Variants in ANO3 observed in about 807,000 individuals in gnomAD.
ANO3 encodes anoctamin-3.
In ANO3, 99 loss-of-function variants were observed where a neutral mutation model predicts 144.8. The ratio of observed to expected loss-of-function variants is 0.68; its 90% confidence interval spans 0.58 to 0.81. The LOEUF is 0.81. ANO3 is among the 30% of genes least tolerant of loss of function. The probability of loss-of-function intolerance (pLI) is 0.00; values close to 1 mark genes in which losing one functional copy is unlikely to be tolerated. For synonymous variants in ANO3, 414 were observed against 392.6 expected (o/e 1.05, Z -0.64); for missense variants, 905 against 1,202.2 (o/e 0.75, Z 3.66).
intron 17 of ANO3, among the ~76,000 whole-genome samples, chr11:26,615,074 AG>A (rs1489964683): frequency 2.0e-5 from 3 of 151,214 alleles, no homozygotes; most frequent in East Asian, 1.9e-4. Context: ...CTCTGTATAT[AG>A]GTCTTGATTT....
At position 26,465,156 on chromosome 11, in the gene ANO3, G is replaced by C. The variant is rs886623804; in HGVS notation, c.432+2008G>C. 2.1e-3 allele frequency among the ~76,000 whole-genome samples: 256 copies of C among 123,850 alleles called. 1 individual carries two copies. The highest frequency in any genetic ancestry group is 8.5e-3 in the African/African-American group (240 of 28,234). The allele number at this position is 123,850 out of a possible 152,430, so 81.3% of individuals were successfully genotyped here. A position where few individuals can be genotyped will look rare whatever the true frequency, so the allele number is the denominator to read the frequency against. On this transcript the variant is annotated intron_variant, in intron 4 of 26. Coordinates refer to ENST00000256737, the MANE Select transcript of ANO3 (RefSeq NM_031418.4). ...TGTGTGTGTGTGTGTGTGTGTGTGT[G>C]TGTGTCTGTGTGTGAATTAAAGCAT...
At chr11:26,196,319 A>G (rs1851588680) in intron 1 of ANO3, among the ~76,000 whole-genome samples, 2 of 151,968 alleles carry the variant, frequency 1.3e-5, no homozygotes. Flanking sequence ...TTTTTCTTCT[A>G]TTTGTCCTGC....
chr11:26,354,801 T>C (rs965651646), intron 1 of ANO3, among the ~76,000 whole-genome samples: 1 of 152,204 alleles, frequency 6.6e-6, no homozygotes, highest in Non-Finnish European at 1.5e-5. Flanking sequence ...ATTATTTTCA[T>C]ATTAAAATTG....
At chr11:26,558,543 C>A (rs1428919187) in intron 13 of ANO3, among the ~76,000 whole-genome samples, 2 of 151,912 alleles carry the variant, frequency 1.3e-5, no homozygotes, top group African/African-American at 4.8e-5. Context: ...GTTTTGAAAA[C>A]CGATTTTTAT....
rs3038204 is a variant in ANO3, at chr11:26,632,582, TTA to T, written c.1874-1611_1874-1610del. Among the ~76,000 whole-genome samples the T allele has an allele frequency of 2.6e-3, 378 of 147,042 alleles. 1 individual carries two copies. Among genetic ancestry groups the T allele is most frequent in the African/African-American group, 8.8e-3 (357 of 40,396 alleles). ...TATAAATATATAAAAAATATACGTT[TTA>T]TATATATATAATATATGTCTGTCTC... On this transcript the variant is annotated intron_variant, in intron 18 of 26. Coordinates refer to ENST00000256737, the MANE Select transcript of ANO3 (RefSeq NM_031418.4).
intron 1 of ANO3, among the ~76,000 whole-genome samples, chr11:26,438,501 C>G (rs1271023396): frequency 7.2e-6 from 1 of 139,818 alleles, no homozygotes; most frequent in East Asian, 2.2e-4. Context: ...AATCCCAGCA[C>G]TTTAGGAGGC....
At chr11:26,555,779 G>T (rs1011835985) in intron 13 of ANO3, among the ~76,000 whole-genome samples, 2 of 151,900 alleles carry the variant, frequency 1.3e-5, no homozygotes, top group African/African-American at 4.8e-5. Flanking sequence ...ATATATTTTT[G>T]AATTTAAATA....
chr11:26,288,566 G>T (rs922942997), intron 1 of ANO3, among the ~76,000 whole-genome samples: 13 of 152,058 alleles, frequency 8.5e-5, no homozygotes, highest in African/African-American at 2.7e-4. Flanking sequence ...CACAAACTGG[G>T]GTTAATAAAT....
intron 1 of ANO3, among the ~76,000 whole-genome samples, chr11:26,392,947 C>G (rs67745155): frequency 6.6e-6 from 1 of 151,764 alleles, no homozygotes; most frequent in Non-Finnish European, 1.5e-5. Context: ...TTTAAAAGCA[C>G]GTGAAAATGC....
At chr11:26,519,306 C>A (rs957393659) in intron 6 of ANO3, among the ~76,000 whole-genome samples, 3 of 152,142 alleles carry the variant, frequency 2.0e-5, no homozygotes, top group African/African-American at 4.8e-5. Flanking sequence ...AGACTTCATA[C>A]AAAACAGATA....
At chr11:26,533,037 T>A (rs535945912) in intron 8 of ANO3, among the ~76,000 whole-genome samples, 268 of 152,214 alleles carry the variant, frequency 1.8e-3, no homozygotes, top group African/African-American at 5.5e-3. Flanking sequence ...CTACCTACAA[T>A]TAACAGGACT....
At chr11:26,452,318 G>C (rs569891453) in intron 3 of ANO3, among the ~76,000 whole-genome samples, 2 of 152,156 alleles carry the variant, frequency 1.3e-5, no homozygotes, top group Non-Finnish European at 2.9e-5. Flanking sequence ...AGGCAAAGAA[G>C]TTGAAAACTT....
intron 14 of ANO3, chr11:26,560,728 G>A (rs1045324222): frequency 7.8e-5 from 14 of 178,920 alleles, no homozygotes; most frequent in Non-Finnish European, 1.2e-4. Context: ...AGAATTTTTT[G>A]GTGGAATAAT....
intron 1 of ANO3, among the ~76,000 whole-genome samples, chr11:26,386,563 T>A (rs1343811203): frequency 6.6e-6 from 1 of 152,236 alleles, no homozygotes; most frequent in Non-Finnish European, 1.5e-5. Flanking sequence ...CGCATCACCA[T>A]GTTGCAATGG....
chr11:26,341,092 C>T (rs1362074319), intron 1 of ANO3, among the ~76,000 whole-genome samples: 3 of 152,014 alleles, frequency 2.0e-5, no homozygotes, highest in Admixed American at 6.6e-5. Flanking sequence ...CTCCCCTCCC[C>T]GCTTCTCTTC....
intron 1 of ANO3, among the ~76,000 whole-genome samples, chr11:26,267,199 C>A (rs1260353231): frequency 6.6e-6 from 1 of 151,944 alleles, no homozygotes; most frequent in Non-Finnish European, 1.5e-5. Flanking sequence ...CACACACACA[C>A]ACACCCCCAA....
chr11:26,415,011 T>C (rs746138087), intron 1 of ANO3, among the ~76,000 whole-genome samples: 13 of 151,752 alleles, frequency 8.6e-5, no homozygotes, highest in Non-Finnish European at 1.6e-4. Context: ...GAAGTATCCA[T>C]GGGTACCATA....
In ANO3 at chr11:26,291,282, T is replaced by C. The variant is rs565599840; in HGVS notation, c.155-18363T>C. Among the ~76,000 whole-genome samples the C allele has an allele frequency of 5.9e-5, 9 of 152,296 alleles. No individual in the cohort carries two copies. In the East Asian group the frequency reaches 1.7e-3, roughly 29 times the overall value. On this transcript the variant is annotated intron_variant, in intron 1 of 27. Coordinates refer to the ANO3 transcript ENST00000672621. ...CTTGGTAGGTCTTCCTCCATCCCTTTATTTTGAGCCTATGTGTGTCTCTGC... is the reference window on the plus strand; with the variant it reads ...CTTGGTAGGTCTTCCTCCATCCCTTCATTTTGAGCCTATGTGTGTCTCTGC...
chr11:26,493,768 T>G (rs1238573431), intron 4 of ANO3, among the ~76,000 whole-genome samples: 7 of 152,186 alleles, frequency 4.6e-5, no homozygotes, highest in Non-Finnish European at 8.8e-5. Flanking sequence ...CTCCTCCTCC[T>G]TCTTGTTTGC....
Sources: gnomAD v4.1 joint callset for allele counts (sites outside exome capture counted in the v4.1 genomes callset) on GRCh38, gnomAD v4.1.1 for gene constraint, MANE v1.5 for transcripts, NCBI Gene and HGNC (gene_info 2026-07-23, HGNC 2026-07-21) for gene names.